GHR: variants seen among roughly 807,000 people sequenced by gnomAD.
GHR encodes the protein growth hormone receptor.
A neutral mutation model predicts 67.1 loss-of-function variants in GHR; 35 were observed. The ratio of observed to expected loss-of-function variants is 0.52; its 90% CI spans 0.40 to 0.69. GHR has a LOEUF of 0.69. Ranked by LOEUF, GHR falls within the 30% of genes least tolerant of loss-of-function variation. The pLI, the probability that GHR is intolerant of heterozygous loss-of-function variation, is 0.00. For missense variants in GHR, 792 were observed against 764.6 expected, an observed-to-expected ratio of 1.04 and a Z score of -0.42; for synonymous variants, 272 against 269.1, an observed-to-expected ratio of 1.01 and a Z score of -0.10.
intron 1 of GHR, chr5:42,468,839 T>A (rs1744866372): frequency 3.0e-6 from 3 of 989,206 alleles, no homozygotes; most frequent in Non-Finnish European, 4.5e-6. Context: ...ACCAGGCAGC[T>A]GAAGCCTTCC....
At chr5:42,552,882 G>A (rs1006672095) in intron 1 of GHR, among the ~76,000 whole-genome samples, 19 of 152,136 alleles carry the variant, frequency 1.2e-4, no homozygotes, top group African/African-American at 3.4e-4. Flanking sequence ...CAGGTAGTTG[G>A]AAGAGACAAA....
intron 1 of GHR, among the ~76,000 whole-genome samples, chr5:42,538,024 CCTTTA>C (rs1748338204): frequency 6.6e-6 from 1 of 152,092 alleles, no homozygotes; most frequent in Admixed American, 6.6e-5. Flanking sequence ...TTTTTCCACC[CCTTTA>C]CTTTAAGTTT....
At chr5:42,504,881 A>G (rs878928226) in intron 1 of GHR, among the ~76,000 whole-genome samples, 5 of 152,234 alleles carry the variant, frequency 3.3e-5, no homozygotes, top group Admixed American at 3.3e-4. Flanking sequence ...GGATCTCTTC[A>G]TTATCTCAAG....
chr5:42,640,032 C>T (rs1754387189), intron 3 of GHR, among the ~76,000 whole-genome samples: 1 of 152,138 alleles, frequency 6.6e-6, no homozygotes, highest in African/African-American at 2.4e-5. Context: ...AACACTAATA[C>T]TGACACAGAT....
intron 3 of GHR, among the ~76,000 whole-genome samples, chr5:42,685,572 C>T (rs1012419894): frequency 3.3e-5 from 5 of 152,118 alleles, no homozygotes; most frequent in South Asian, 2.1e-4. Flanking sequence ...AGTGTAAAAG[C>T]GTTCCTATTT....
chr5:42,563,962 A>G (rs1217283624), intron 1 of GHR, among the ~76,000 whole-genome samples: 2 of 152,060 alleles, frequency 1.3e-5, no homozygotes, highest in Non-Finnish European at 2.9e-5. Flanking sequence ...GGACATTGGG[A>G]GGGAGAGATG....
rs1742747689 is a variant in GHR at position 42,424,345 on chromosome 5, A to G, written c.-12+390A>G. 1.7e-6 allele frequency: 1 copy of G among 586,314 alleles called. No individual in the cohort carries two copies. The highest frequency in any genetic ancestry group is 2.0e-5 in the South Asian group (1 of 49,060). 36.3% of individuals were successfully genotyped at this position (586,314 alleles called of 1,614,324 possible). ...CTCCGGAGACAGTTTTGTTAAAGTC[A>G]TAAAAGTTTTGCTAGTGTGTTTCTG... On this transcript the variant is annotated intron_variant, in intron 1 of 9. Coordinates refer to ENST00000230882, the MANE Select transcript of GHR (RefSeq NM_000163.5). This position sits in a 1 kb window ranked among gnomAD's most constrained non-coding sequence, Gnocchi z 4.1.
intron 1 of GHR, among the ~76,000 whole-genome samples, chr5:42,556,490 T>TA (rs1749316761): frequency 1.3e-5 from 2 of 152,128 alleles, no homozygotes; most frequent in South Asian, 4.1e-4. Flanking sequence ...CATAGTAATT[T>TA]AAAAAATCAG....
chr5:42,617,401 CA>C lies in GHR; in HGVS notation c.71-11636del, dbSNP rs1580064161. ...AGTTCATTTTACACACACACACACA[CA>C]CACACACACACACACACACACACAG... On this transcript the variant is annotated intron_variant, in intron 2 of 9. Transcript: ENST00000230882. Among the ~76,000 whole-genome samples, 3 of 151,820 alleles carry C rather than the reference CA, an allele frequency of 2.0e-5. 1 individual carries two copies. Among genetic ancestry groups the C allele is most frequent in the Admixed American group, 6.6e-5 (1 of 15,252 alleles).
At chr5:42,534,242 A>G (rs184807120) in intron 1 of GHR, among the ~76,000 whole-genome samples, 19,996 of 106,516 alleles carry the variant, frequency 0.19, 2,619 homozygotes, top group African/African-American at 0.26. Flanking sequence ...ATATGTGTAT[A>G]TATGTATATA....
In GHR at chr5:42,635,622, G is replaced by A. The variant is rs147498013; in HGVS notation, c.136+6519G>A. Reference sequence around the variant, plus strand: ...TTCACACAAAATCGTTGAGAGGTAAGAATTTTTTGAAAGAAATATTTGGTC... The same window carrying A: ...TTCACACAAAATCGTTGAGAGGTAAAAATTTTTTGAAAGAAATATTTGGTC... On this transcript the variant is annotated intron_variant, in intron 3 of 9. Transcript: ENST00000230882. 4.6e-3 allele frequency among the ~76,000 whole-genome samples: 704 copies of A among 152,224 alleles called. 4 individuals are homozygous for A. Among genetic ancestry groups the A allele is most frequent in the Non-Finnish European group, 6.9e-3 (471 of 68,012 alleles).
chr5:42,656,060 A>G (rs901965653), intron 3 of GHR, among the ~76,000 whole-genome samples: 10 of 152,286 alleles, frequency 6.6e-5, no homozygotes, highest in Middle Eastern at 3.4e-3. Context: ...AGTATAATCT[A>G]TCCACAAAAT....
intron 6 of GHR, among the ~76,000 whole-genome samples, chr5:42,707,556 AT>A: frequency 6.7e-6 from 1 of 150,146 alleles, no homozygotes; most frequent in East Asian, 2.0e-4. Flanking sequence ...CAGTATGGTC[AT>A]CTTAACAATA....
chr5:42,597,199 A>G (rs567412158), intron 2 of GHR, among the ~76,000 whole-genome samples: 120 of 152,280 alleles, frequency 7.9e-4, no homozygotes, highest in African/African-American at 2.8e-3. Flanking sequence ...TAGAGTTTGG[A>G]AGCGAGGCAC....
intron 3 of GHR, among the ~76,000 whole-genome samples, chr5:42,673,150 T>C (rs1225911340): frequency 6.6e-6 from 1 of 151,962 alleles, no homozygotes; most frequent in East Asian, 1.9e-4. Context: ...CTAACAAACA[T>C]GAAAAAATGT....
chr5:42,570,956 G>A (rs1430663785), intron 2 of GHR, among the ~76,000 whole-genome samples: 1 of 152,108 alleles, frequency 6.6e-6, no homozygotes, highest in African/African-American at 2.4e-5. Flanking sequence ...AAAAATAGAT[G>A]GATCACAAAC....
intron 5 of GHR, among the ~76,000 whole-genome samples, chr5:42,695,944 C>T (rs539488034): frequency 2.0e-5 from 3 of 152,228 alleles, no homozygotes; most frequent in Admixed American, 6.5e-5. Flanking sequence ...CTAGAACTTA[C>T]AGATAGAAAC....
chr5:42,606,978 G>C (rs1020599616), intron 2 of GHR, among the ~76,000 whole-genome samples: 14 of 152,104 alleles, frequency 9.2e-5, no homozygotes, highest in Non-Finnish European at 1.6e-4. Flanking sequence ...GTTTGGCTCT[G>C]TGTCCCCACC....
At chr5:42,474,257 C>CAA (rs1745145155) in intron 1 of GHR, among the ~76,000 whole-genome samples, 1 of 87,940 alleles carries the variant, frequency 1.1e-5, no homozygotes, top group African/African-American at 4.3e-5. Context: ...GAAAGACAGA[C>CAA]AGAAAGAAAG....
Sources: allele counts gnomAD v4.1 joint callset (sites outside exome capture counted in the v4.1 genomes callset), GRCh38; gene constraint gnomAD v4.1.1; non-coding constraint Gnocchi (gnomAD v3.1); transcripts MANE v1.5; gene names NCBI Gene and HGNC (gene_info 2026-07-23, HGNC 2026-07-21).